Variants in FABP7 observed in about 807,000 individuals in gnomAD.
The protein encoded by FABP7 is fatty acid-binding protein, brain.
In FABP7, 13 loss-of-function variants were observed where a neutral mutation model predicts 14.2. The observed-to-expected ratio is 0.91, with a 90% confidence interval of 0.59 to 1.45. The LOEUF is 1.45. FABP7 is among the 40% of genes most tolerant of loss of function. The pLI is 0.00. For synonymous variants in FABP7, 49 were observed against 51.4 expected, an observed-to-expected ratio of 0.95 and a Z score of 0.20; for missense variants, 149 against 157.6, an observed-to-expected ratio of 0.95 and a Z score of 0.29.
At chr6:122,781,457 G>T in intron 3 of FABP7, 1 of 1,402,794 alleles carries the variant, frequency 7.1e-7, no homozygotes. Flanking sequence ...AGTTGCCATT[G>T]ATTTGCCTAA....
At chr6:122,776,449 T>C (rs7381683), upstream of FABP7, among the ~76,000 whole-genome samples, 146,529 of 152,222 alleles carry the variant, frequency 0.96, 70,751 homozygotes, top group East Asian at 1. Context: ...TTAACTCATA[T>C]GTGGGAGCCA....
intron 3 of FABP7, chr6:122,782,724 C>T: frequency 1.0e-6 from 1 of 985,402 alleles, no homozygotes; most frequent in African/African-American, 1.7e-5. Context: ...AATGGGGACT[C>T]ATGTTTCCTT....
chr6:122,755,405 C>T, the FABP7 span, among the ~76,000 whole-genome samples: 40 of 150,688 alleles, frequency 2.7e-4, no homozygotes, highest in African/African-American at 7.8e-4. Context: ...TTACTTATAA[C>T]CTTGATTCTT....
the FABP7 span, among the ~76,000 whole-genome samples, chr6:122,758,105 C>CTTTTTTTTTTT: frequency 8.4e-6 from 1 of 118,376 alleles, no homozygotes; most frequent in African/African-American, 3.0e-5. Context: ...TATTATCTAG[C>CTTTTTTTTTTT]TTTTTTTTTT....
chr6:122,773,166 T>A, the FABP7 span, among the ~76,000 whole-genome samples: 1 of 152,194 alleles, frequency 6.6e-6, no homozygotes, highest in Non-Finnish European at 1.5e-5. Context: ...GTAACTAGAA[T>A]TTCTATATAT....
the FABP7 span, among the ~76,000 whole-genome samples, chr6:122,770,131 A>G: frequency 6.6e-6 from 1 of 152,110 alleles, no homozygotes; most frequent in Non-Finnish European, 1.5e-5. Context: ...GAGAATAAAT[A>G]TATTTCACTC....
At chr6:122,767,755 GAAAAAA>G in the FABP7 span, among the ~76,000 whole-genome samples, 1 of 116,352 alleles carries the variant, frequency 8.6e-6, no homozygotes, top group Non-Finnish European at 1.7e-5. Context: ...CCACTAAAAG[GAAAAAA>G]AAAAAAAAAA....
chr6:122,751,433 C>A, the FABP7 span, among the ~76,000 whole-genome samples: 2 of 152,312 alleles, frequency 1.3e-5, no homozygotes, highest in South Asian at 4.1e-4. Flanking sequence ...ATCTTGTCCT[C>A]AATTTTCACC....
chr6:122,760,373 A>T, the FABP7 span, among the ~76,000 whole-genome samples: 1 of 152,160 alleles, frequency 6.6e-6, no homozygotes, highest in Admixed American at 6.5e-5. Context: ...CAGCTTCCTT[A>T]TCATTAGCAT....
At chr6:122,783,551 T>C (rs2115148576) in intron 3 of FABP7, 166 bp from the exon 4 acceptor site, 17 of 985,264 alleles carry the variant, frequency 1.7e-5, no homozygotes, top group Non-Finnish European at 1.9e-5. Flanking sequence ...ATAAACTGTA[T>C]ATCAATATAG....
At chr6:122,766,270 G>A in the FABP7 span, among the ~76,000 whole-genome samples, 1 of 152,088 alleles carries the variant, frequency 6.6e-6, no homozygotes, top group Admixed American at 6.6e-5. Context: ...ATTTGTTCAA[G>A]ATGACAGCAA....
the FABP7 span, among the ~76,000 whole-genome samples, chr6:122,757,053 C>T: frequency 6.6e-6 from 1 of 152,168 alleles, no homozygotes; most frequent in Non-Finnish European, 1.5e-5. Context: ...AATTTGGTCC[C>T]ATGGCTTTAA....
chr6:122,750,155 C>A, the FABP7 span, among the ~76,000 whole-genome samples: 1 of 151,716 alleles, frequency 6.6e-6, no homozygotes, highest in South Asian at 2.1e-4. Flanking sequence ...ATTTTAATAA[C>A]TAATGTTGAA....
chr6:122,780,617 T>C, intron 2 of FABP7, 154 bp downstream of exon 2: 1 of 790,026 alleles, frequency 1.3e-6, no homozygotes, highest in Non-Finnish European at 2.0e-6. Context: ...TTAATGTGCA[T>C]ATGTTATATT....
chr6:122,769,339 A>C, the FABP7 span, among the ~76,000 whole-genome samples: 1 of 152,196 alleles, frequency 6.6e-6, no homozygotes, highest in Non-Finnish European at 1.5e-5. Context: ...AAAGGTCTTC[A>C]AAAATTGCTG....
chr6:122,776,678 G>T (rs1780678505), upstream of FABP7, among the ~76,000 whole-genome samples: 1 of 152,076 alleles, frequency 6.6e-6, no homozygotes, highest in Non-Finnish European at 1.5e-5. Flanking sequence ...TATTTAGAAT[G>T]TTCCCAACAA....
At chr6:122,768,928 A>C in the FABP7 span, among the ~76,000 whole-genome samples, 1 of 152,246 alleles carries the variant, frequency 6.6e-6, no homozygotes, top group South Asian at 2.1e-4. Flanking sequence ...GAATGAGGAT[A>C]TCACCATTCG....
intron 2 of FABP7, 130 bp from the exon 3 acceptor site, chr6:122,780,963 A>G: frequency 9.1e-7 from 1 of 1,100,490 alleles, no homozygotes; most frequent in Non-Finnish European, 1.2e-6. Context: ...AGTAATAGAA[A>G]TAACAATAGG....
Position 122,779,752 on chromosome 6 carries a change from A to G in FABP7, c.-43A>G. ...TCTGAGCTGCAGTGGCAATTAGACC[A>G]GAAGATCCCCGCTCCTGTCTCTAAA... On this transcript the variant is annotated 5_prime_UTR_variant, in exon 1 of 4. Transcript: ENST00000368444. 1 of 1,597,702 alleles carries G rather than the reference A, an allele frequency of 6.3e-7. No individual in the cohort carries two copies. Among genetic ancestry groups the G allele is most frequent in the South Asian group, 1.1e-5 (1 of 90,414 alleles).
Sources: gnomAD v4.1 joint callset for allele counts (sites outside exome capture counted in the v4.1 genomes callset) on GRCh38, gnomAD v4.1.1 for gene constraint, MANE v1.5 for transcripts, NCBI Gene and HGNC (gene_info 2026-07-23, HGNC 2026-07-21) for gene names.